PLCZ1: variants seen among roughly 807,000 people sequenced by gnomAD.
The protein encoded by PLCZ1 is phospholipase C zeta 1.
A neutral mutation model predicts 76.8 loss-of-function variants in PLCZ1; 64 were observed. That is an observed-to-expected ratio of 0.83 (90% CI 0.68 to 1.03). The LOEUF (loss-of-function observed/expected upper bound fraction) is 1.03, where lower values mean the gene tolerates loss of function less well. Among genes scored for constraint, PLCZ1 ranks in the 50% least tolerant of loss-of-function variants. PLCZ1 has a pLI of 0.00. For missense variants in PLCZ1, 751 were observed against 713.7 expected, an observed-to-expected ratio of 1.05 and a Z score of -0.60; for synonymous variants, 248 against 230.8, an observed-to-expected ratio of 1.07 and a Z score of -0.68.
At chr12:18,706,438 C>T (rs886840276) in intron 6 of PLCZ1, among the ~76,000 whole-genome samples, 3 of 152,106 alleles carry the variant, frequency 2.0e-5, no homozygotes, top group Non-Finnish European at 2.9e-5. Context: ...CAATATTCTG[C>T]TTTTTCAGTT....
chr12:18,648,036 T>G, the PLCZ1 span: 5 of 1,559,112 alleles, frequency 3.2e-6, no homozygotes, highest in Admixed American at 9.1e-5. Flanking sequence ...TGACCATTGC[T>G]ATGAACATAT....
chr12:18,665,003 GT>G, the PLCZ1 span, among the ~76,000 whole-genome samples: 1 of 107,576 alleles, frequency 9.3e-6, no homozygotes, highest in Non-Finnish European at 1.7e-5. Context: ...TCTGGGGACT[GT>G]TGTGGGGTGG....
At chr12:18,685,296 C>T (rs1487069) in intron 13 of PLCZ1, among the ~76,000 whole-genome samples, 142,652 of 152,058 alleles carry the variant, frequency 0.94, 67,173 homozygotes, top group East Asian at 1. Context: ...AAATCCACAT[C>T]GTGTCACAGT....
At chr12:18,719,850 TTTAA>T (rs1958335273) in intron 4 of PLCZ1, among the ~76,000 whole-genome samples, 2 of 152,076 alleles carry the variant, frequency 1.3e-5, no homozygotes, top group Non-Finnish European at 2.9e-5. Flanking sequence ...TAATATATTA[TTTAA>T]TTATCTCTTT....
intron 7 of PLCZ1, 119 bp downstream of exon 7, chr12:18,705,047 T>C: frequency 8.0e-7 from 1 of 1,250,762 alleles, no homozygotes; most frequent in Non-Finnish European, 1.2e-6. Flanking sequence ...TAAACCTCTA[T>C]ACGTGATCAA....
At chr12:18,669,144 TTTC>T in the PLCZ1 span, among the ~76,000 whole-genome samples, 1 of 152,190 alleles carries the variant, frequency 6.6e-6, no homozygotes, top group Non-Finnish European at 1.5e-5. Flanking sequence ...CAATGATTAT[TTTC>T]TTGATTCCTC....
Position 18,701,680 on chromosome 12 carries a change from C to T in PLCZ1, c.949+12G>A, listed in dbSNP as rs374237247. ...CCATCTGCCACTTCTTCTTCCCATT[C>T]CTCCACCTTACCACGCTTATCAGAA... On this transcript the variant is annotated intron_variant, in intron 8 of 14. Coordinates refer to ENST00000266505, the MANE Select transcript of PLCZ1 (RefSeq NM_033123.4). 1.3e-5 allele frequency: 21 copies of T among 1,610,208 alleles called. No individual in the cohort carries two copies. The highest frequency in any genetic ancestry group is 1.6e-5 in the Non-Finnish European group (19 of 1,177,784).
chr12:18,693,113 G>A (rs56209292), intron 12 of PLCZ1: 211,034 of 1,520,528 alleles, frequency 0.14, 15,881 homozygotes, highest in Middle Eastern at 0.18. Flanking sequence ...TAGGAATCTT[G>A]GAAGAGATCA....
the PLCZ1 span, among the ~76,000 whole-genome samples, chr12:18,664,155 C>T: frequency 1.6e-4 from 25 of 152,144 alleles, no homozygotes; most frequent in African/African-American, 5.1e-4. Flanking sequence ...AGAATTGGAA[C>T]GCTTATGTAC....
chr12:18,716,668 A>G (rs1958022816), intron 5 of PLCZ1, among the ~76,000 whole-genome samples: 1 of 152,202 alleles, frequency 6.6e-6, no homozygotes, highest in Non-Finnish European at 1.5e-5. Flanking sequence ...GAATTTGTAC[A>G]GAACTTTGTG....
At chr12:18,723,250 G>GA in intron 4 of PLCZ1, 61 bp downstream of exon 4, 4 of 1,445,568 alleles carry the variant, frequency 2.8e-6, no homozygotes, top group Non-Finnish European at 3.8e-6. Context: ...AATAATTTTT[G>GA]AAAAAAGAAA....
chr12:18,647,808 C>A, the PLCZ1 span: 1 of 888,672 alleles, frequency 1.1e-6, no homozygotes, highest in Non-Finnish European at 1.6e-6. Context: ...TTATTAAAAG[C>A]AATACTCAAA....
the PLCZ1 span, among the ~76,000 whole-genome samples, chr12:18,659,938 C>T: frequency 6.6e-6 from 1 of 152,008 alleles, no homozygotes; most frequent in Admixed American, 6.6e-5. Flanking sequence ...TAGGCTAACT[C>T]AAATTTACAT....
chr12:18,670,425 A>G, the PLCZ1 span, among the ~76,000 whole-genome samples: 1 of 152,086 alleles, frequency 6.6e-6, no homozygotes, highest in Non-Finnish European at 1.5e-5. Flanking sequence ...TCCTTTTTAA[A>G]GGGGAGCAAA....
At chr12:18,718,981 A>G (rs907115253) in intron 5 of PLCZ1, among the ~76,000 whole-genome samples, 1 of 152,182 alleles carries the variant, frequency 6.6e-6, no homozygotes, top group African/African-American at 2.4e-5. Context: ...AAAAATCACT[A>G]TCCACAAATG....
At position 18,700,509 on chromosome 12, in the gene PLCZ1, G is replaced by A. The variant is rs894350468; in HGVS notation, c.1018-559C>T. Among the ~76,000 whole-genome samples, 3 of 4,534 alleles carry A rather than the reference G, an allele frequency of 6.6e-4. No homozygotes were observed. The Admixed American group carries it at 0.021, about 31-fold the overall frequency. The allele number at this position is 4,534 out of a possible 152,430, so 3.0% of individuals were successfully genotyped here. A position where few individuals can be genotyped will look rare whatever the true frequency, so the allele number is the denominator to read the frequency against. On this transcript the variant is annotated intron_variant, in intron 9 of 14. Coordinates refer to ENST00000266505, the MANE Select transcript of PLCZ1 (RefSeq NM_033123.4). ...TGCGCATAACCAGATCAGAGCCAAC[G>A]TACAAAAAAAAAAAAAAAAAAAAAA...
chr12:18,653,416 T>C, the PLCZ1 span, among the ~76,000 whole-genome samples: 1 of 152,194 alleles, frequency 6.6e-6, no homozygotes, highest in East Asian at 1.9e-4. Context: ...ATACTCTCAA[T>C]GCAATGGGCT....
chr12:18,705,017 C>T (rs1438491121), intron 7 of PLCZ1, 149 bp downstream of exon 7: 17 of 899,044 alleles, frequency 1.9e-5, no homozygotes, highest in Non-Finnish European at 2.6e-5. Flanking sequence ...GAGAACATTC[C>T]CTAGGCAACA....
intron 14 of PLCZ1, 51 bp downstream of exon 14, chr12:18,684,079 A>G: frequency 1.3e-6 from 2 of 1,593,254 alleles, no homozygotes; most frequent in Non-Finnish European, 1.7e-6. Flanking sequence ...TTTGATATAC[A>G]CAAGTTATAT....
Sources: allele counts gnomAD v4.1 joint callset (sites outside exome capture counted in the v4.1 genomes callset), GRCh38; gene constraint gnomAD v4.1.1; transcripts MANE v1.5; gene names NCBI Gene and HGNC (gene_info 2026-07-23, HGNC 2026-07-21).